ABCD2: variants seen among roughly 807,000 people sequenced by gnomAD.
ABCD2 encodes the protein ATP binding cassette subfamily D member 2, also known as ATP-binding cassette sub-family D member 2.
A neutral mutation model predicts 70.9 loss-of-function variants in ABCD2; 36 were observed. The observed-to-expected ratio is 0.51, with a 90% CI of 0.39 to 0.67. The LOEUF (loss-of-function observed/expected upper bound fraction) is 0.67, where lower values mean the gene tolerates loss of function less well. Ranked by LOEUF, ABCD2 falls within the 30% of genes least tolerant of loss-of-function variation. The pLI, the probability that ABCD2 is intolerant of heterozygous loss-of-function variation, is 0.00. For missense variants in ABCD2, 729 were observed against 890.2 expected, an observed-to-expected ratio of 0.82 and a Z score of 2.30; for synonymous variants, 304 against 306.9, an observed-to-expected ratio of 0.99 and a Z score of 0.10.
the ABCD2 span, among the ~76,000 whole-genome samples, chr12:39,537,077 C>T: frequency 1.3e-5 from 2 of 151,780 alleles, no homozygotes; most frequent in Admixed American, 1.3e-4. Context: ...TGTGTGCACT[C>T]ACTCCACTGG....
At chr12:39,612,197 A>G (rs753022540) in intron 2 of ABCD2, among the ~76,000 whole-genome samples, 1 of 152,224 alleles carries the variant, frequency 6.6e-6, no homozygotes, top group Non-Finnish European at 1.5e-5. Flanking sequence ...ACCTATGCAT[A>G]GCCTGTAATC....
intron 6 of ABCD2, among the ~76,000 whole-genome samples, chr12:39,590,558 G>C (rs942033796): frequency 1.3e-5 from 2 of 151,820 alleles, no homozygotes; most frequent in Non-Finnish European, 1.5e-5. Context: ...TATAATAATT[G>C]TTTTTTCTTG....
At chr12:39,591,686 T>C (rs1941747966) in intron 6 of ABCD2, among the ~76,000 whole-genome samples, 1 of 152,158 alleles carries the variant, frequency 6.6e-6, no homozygotes, top group Non-Finnish European at 1.5e-5. Context: ...AACTCCAGCC[T>C]GGGCAATAGA....
At chr12:39,560,008 C>T (rs1467417862) in intron 9 of ABCD2, among the ~76,000 whole-genome samples, 1 of 151,998 alleles carries the variant, frequency 6.6e-6, no homozygotes, top group African/African-American at 2.4e-5. Flanking sequence ...ATGTAAATCA[C>T]TTATTTCTTT....
At chr12:39,566,822 TACGTTGTGTC>T (rs1941356896) in intron 9 of ABCD2, among the ~76,000 whole-genome samples, 1 of 152,356 alleles carries the variant, frequency 6.6e-6, no homozygotes, top group Middle Eastern at 3.4e-3. Context: ...GAAATTCTGG[TACGTTGTGTC>T]TTTGTTCTCA....
chr12:39,559,932 A>G (rs1208806743), intron 9 of ABCD2, among the ~76,000 whole-genome samples: 1 of 152,236 alleles, frequency 6.6e-6, no homozygotes, highest in Admixed American at 6.5e-5. Flanking sequence ...ATTAGAAAGT[A>G]TAAAACTCAC....
intron 9 of ABCD2, among the ~76,000 whole-genome samples, chr12:39,559,480 G>A (rs1173056478): frequency 6.6e-6 from 1 of 151,022 alleles, no homozygotes; most frequent in Non-Finnish European, 1.5e-5. Context: ...ATAAATCATA[G>A]CAGAAACATT....
chr12:39,556,615 C>T (rs111344680), intron 9 of ABCD2, among the ~76,000 whole-genome samples: 2,695 of 152,190 alleles, frequency 0.018, 84 homozygotes, highest in African/African-American at 0.058. Flanking sequence ...ATAAATTACC[C>T]GGTCTAGGGC....
intron 2 of ABCD2, among the ~76,000 whole-genome samples, chr12:39,614,358 AT>A (rs1942086942): frequency 6.6e-6 from 1 of 152,172 alleles, no homozygotes; most frequent in South Asian, 2.1e-4. Flanking sequence ...GATGTGTATA[AT>A]TATCTCTATA....
intron 5 of ABCD2, 57 bp from the exon 6 acceptor site, chr12:39,600,773 G>C: frequency 7.0e-7 from 1 of 1,427,954 alleles, no homozygotes; most frequent in South Asian, 1.3e-5. Context: ...TATTTTGGCA[G>C]CACCTAAAAG....
At chr12:39,580,136 T>C (rs1941576818) in intron 7 of ABCD2, among the ~76,000 whole-genome samples, 1 of 152,210 alleles carries the variant, frequency 6.6e-6, no homozygotes, top group Non-Finnish European at 1.5e-5. Context: ...AATCGACATG[T>C]CTAGGTTTAC....
At chr12:39,548,878 T>G (rs1490005527), downstream of ABCD2, among the ~76,000 whole-genome samples, 1 of 151,956 alleles carries the variant, frequency 6.6e-6, no homozygotes, top group Non-Finnish European at 1.5e-5. Flanking sequence ...CTTAATCTTT[T>G]TGTTTCTATA....
the ABCD2 span, among the ~76,000 whole-genome samples, chr12:39,538,062 G>A: frequency 6.6e-6 from 1 of 152,192 alleles, no homozygotes; most frequent in African/African-American, 2.4e-5. Flanking sequence ...GTAGCCAATG[G>A]AAACCTCTAG....
intron 9 of ABCD2, among the ~76,000 whole-genome samples, chr12:39,560,846 A>C (rs1161539257): frequency 6.6e-6 from 1 of 152,176 alleles, no homozygotes; most frequent in Admixed American, 6.5e-5. Context: ...AACATGTTTA[A>C]CTATAAGATG....
chr12:39,567,266 A>G (rs181603281), intron 9 of ABCD2, among the ~76,000 whole-genome samples: 430 of 152,262 alleles, frequency 2.8e-3, no homozygotes, highest in South Asian at 6.6e-3. Flanking sequence ...GCAGGAGTCT[A>G]AGTCTCTTTC....
At chr12:39,615,405 G>A (rs1224494382) in intron 2 of ABCD2, among the ~76,000 whole-genome samples, 2 of 151,904 alleles carry the variant, frequency 1.3e-5, no homozygotes, top group Admixed American at 6.6e-5. Context: ...ATTTTAAAGT[G>A]TCACTCTCGC....
chr12:39,606,023 C>T (rs185684535), intron 3 of ABCD2, among the ~76,000 whole-genome samples: 3 of 152,020 alleles, frequency 2.0e-5, no homozygotes, highest in East Asian at 1.9e-4. Flanking sequence ...TCTGGAAGAA[C>T]CTCTTGAGTT....
intron 6 of ABCD2, among the ~76,000 whole-genome samples, chr12:39,588,514 C>T (rs1471873059): frequency 1.3e-5 from 2 of 152,150 alleles, no homozygotes; most frequent in Non-Finnish European, 2.9e-5. Flanking sequence ...CTTGGCACCA[C>T]CAGAAGCTGG....
At chr12:39,618,188 CA>C (rs1424067226) in intron 1 of ABCD2, among the ~76,000 whole-genome samples, 2 of 152,094 alleles carry the variant, frequency 1.3e-5, no homozygotes, top group Admixed American at 1.3e-4. Context: ...ATCAGACATG[CA>C]AAATTGTTAA....
Sources: allele counts gnomAD v4.1 joint callset (sites outside exome capture counted in the v4.1 genomes callset), GRCh38; gene constraint gnomAD v4.1.1; transcripts MANE v1.5; gene names NCBI Gene and HGNC (gene_info 2026-07-23, HGNC 2026-07-21).